The following SMC5 variants were observed in gnomAD, a reference collection of about 807,000 sequenced individuals.
The protein encoded by SMC5 is structural maintenance of chromosomes protein 5.
Under a neutral mutation model 148.3 loss-of-function variants are expected in SMC5, and 88 were observed. The ratio of observed to expected loss-of-function variants is 0.59; its 90% CI spans 0.50 to 0.71. The LOEUF (loss-of-function observed/expected upper bound fraction) is 0.71, where lower values mean the gene tolerates loss of function less well. Ranked by LOEUF, SMC5 falls within the 30% of genes least tolerant of loss-of-function variation. The pLI is 0.00. For missense variants in SMC5, 1,142 were observed against 1,298.9 expected, an observed-to-expected ratio of 0.88 and a Z score of 1.86; for synonymous variants, 421 against 432.8, an observed-to-expected ratio of 0.97 and a Z score of 0.34.
Position 70,313,466 on chromosome 9 carries a change from T to A in SMC5, c.1579-1276T>A, listed in dbSNP as rs143284001. On this transcript the variant is annotated intron_variant, in intron 11 of 24. Transcript: ENST00000361138. ...TCTTGACTATGGTGGCATTTTATTC[T>A]TATGCTTAGTAGTTGTTTTTTTTGT... Among the ~76,000 whole-genome samples the A allele has an allele frequency of 3.9e-3, 599 of 152,174 alleles. 3 individuals are homozygous for A. The highest frequency in any genetic ancestry group is 0.013 in the African/African-American group (555 of 41,540).
At chr9:70,288,003 C>T (rs2034957034) in intron 8 of SMC5, among the ~76,000 whole-genome samples, 1 of 152,054 alleles carries the variant, frequency 6.6e-6, no homozygotes, top group Admixed American at 6.6e-5. Flanking sequence ...TCTTCCCTTT[C>T]TTTTGTCCTC....
chr9:70,280,676 A>G, intron 5 of SMC5, 83 bp from the exon 6 acceptor site: 4 of 1,320,228 alleles, frequency 3.0e-6, no homozygotes, highest in South Asian at 1.4e-5. Context: ...AAATTTTGCC[A>G]TCGTTTATTT....
At chr9:70,289,062 G>T (rs2034985966) in intron 8 of SMC5, among the ~76,000 whole-genome samples, 1 of 151,990 alleles carries the variant, frequency 6.6e-6, no homozygotes, top group African/African-American at 2.4e-5. Context: ...TTATGAGACG[G>T]AGTCTTGCTC....
At chr9:70,309,032 G>A (rs932387898) in intron 11 of SMC5, among the ~76,000 whole-genome samples, 3 of 152,050 alleles carry the variant, frequency 2.0e-5, no homozygotes, top group African/African-American at 7.2e-5. Flanking sequence ...ATAGCATTAT[G>A]TCTAAAAAAT....
chr9:70,290,541 A>G (rs1306535679), intron 8 of SMC5, among the ~76,000 whole-genome samples: 1 of 152,180 alleles, frequency 6.6e-6, no homozygotes, highest in Admixed American at 6.5e-5. Context: ...ACAACAAAAT[A>G]CATTTATGTT....
intron 17 of SMC5, among the ~76,000 whole-genome samples, chr9:70,335,733 G>T (rs1188557651): frequency 6.6e-6 from 1 of 152,112 alleles, no homozygotes; most frequent in Non-Finnish European, 1.5e-5. Flanking sequence ...CTTTACAGGT[G>T]TGTATATTTG....
intron 5 of SMC5, among the ~76,000 whole-genome samples, chr9:70,279,388 C>T (rs1034640653): frequency 4.6e-5 from 7 of 152,120 alleles, no homozygotes; most frequent in South Asian, 2.1e-4. Context: ...GGCATGGTGG[C>T]GCACACCTGT....
chr9:70,323,603 A>G lies in SMC5; in HGVS notation c.2271A>G (p.Ile757Met), dbSNP rs1223266707. 6.2e-7 allele frequency: 1 copy of G among 1,611,018 alleles called. No homozygotes were observed. The change falls in exon 16 of 25, where the codon ATA (isoleucine) becomes ATG (methionine). Residue 757 changes from isoleucine to methionine, a missense_variant. This residue lies in a region of SMC5 where 743 missense variants were observed against 835.7 expected (regional missense o/e 0.89). Transcript: ENST00000361138. ...AKLVTELTNL[I>M]KICTSLHIQK... The stretch of plus-strand genomic sequence containing the variant: ...TTGTTACCGAATTAACAAACCTAAT[A>G]AAGGTAAGGTATTGTTTTAATTTTA...
intron 8 of SMC5, among the ~76,000 whole-genome samples, chr9:70,291,515 A>G (rs1025553082): frequency 6.6e-6 from 1 of 152,210 alleles, no homozygotes; most frequent in East Asian, 1.9e-4. Flanking sequence ...GCTAATGCAC[A>G]TGACCTTCTA....
chr9:70,266,902 C>T (rs1038346836), intron 2 of SMC5, among the ~76,000 whole-genome samples: 1 of 152,086 alleles, frequency 6.6e-6, no homozygotes. Flanking sequence ...TGTGAGGAAA[C>T]AGAGAGGTTA....
At chr9:70,295,827 C>T (rs1480515488) in intron 8 of SMC5, among the ~76,000 whole-genome samples, 1 of 152,074 alleles carries the variant, frequency 6.6e-6, no homozygotes, top group African/African-American at 2.4e-5. Flanking sequence ...GGATTGCAGA[C>T]GTTCTGTTTG....
intron 17 of SMC5, among the ~76,000 whole-genome samples, chr9:70,328,417 G>T (rs181602974): frequency 2.0e-5 from 3 of 152,322 alleles, no homozygotes; most frequent in Admixed American, 2.0e-4. Context: ...GGAGAAATCA[G>T]CCAAAACGAA....
At chr9:70,267,099 T>G (rs1228261262) in intron 2 of SMC5, among the ~76,000 whole-genome samples, 2 of 151,892 alleles carry the variant, frequency 1.3e-5, no homozygotes, top group Non-Finnish European at 2.9e-5. Flanking sequence ...GAATGTATAC[T>G]TCAAGGTTGC....
intron 10 of SMC5, among the ~76,000 whole-genome samples, chr9:70,301,487 C>A (rs542403687): frequency 6.6e-6 from 1 of 152,200 alleles, no homozygotes; most frequent in Non-Finnish European, 1.5e-5. Flanking sequence ...CTTTCTAGGT[C>A]TAGTTGAAAT....
At chr9:70,346,479 A>C in intron 18 of SMC5, 126 bp from the exon 19 acceptor site, 1 of 943,670 alleles carries the variant, frequency 1.1e-6, no homozygotes, top group Non-Finnish European at 1.7e-6. Context: ...CTGTGGTGAA[A>C]TTCAACTGTC....
At chr9:70,278,757 C>T in intron 5 of SMC5, 132 bp downstream of exon 5, 1 of 781,890 alleles carries the variant, frequency 1.3e-6, no homozygotes, top group East Asian at 3.0e-5. Flanking sequence ...TAGGATTGTA[C>T]TGCTAATATC....
intron 11 of SMC5, among the ~76,000 whole-genome samples, chr9:70,312,277 A>G (rs972695186): frequency 2.6e-5 from 4 of 152,184 alleles, no homozygotes; most frequent in South Asian, 4.1e-4. Context: ...CACATCTTAC[A>G]TGGCAGCAGG....
chr9:70,264,401 C>G lies in SMC5; in HGVS notation c.283C>G (p.Leu95Val), dbSNP rs563696904. ...GTCGAGCATTGTGTGTGCCATTTGC[C>G]TTGGTTTAGCTGGAAAACCTGCTTT... ...GKSSIVCAICLGLAGKPAFMG... is the reference protein window; with the variant it reads ...GKSSIVCAICVGLAGKPAFMG... The change falls in exon 2 of 25, where the codon CTT becomes GTT. Residue 95 changes from leucine (L) to valine (V), a missense_variant. Physicochemically the swap from Leu to Val is conservative, Grantham distance 32. Around this residue, in one of 5 missense-constraint regions of SMC5, gnomAD observed 297 missense variants for 302.6 expected, o/e 0.98. Coordinates refer to ENST00000361138, the MANE Select transcript of SMC5 (RefSeq NM_015110.4). 6.2e-7 allele frequency: 1 copy of G among 1,613,966 alleles called. No homozygotes were observed. Among genetic ancestry groups the G allele is most frequent in the African/African-American group, 1.3e-5 (1 of 75,030 alleles).
At chr9:70,304,778 C>T (rs894625354) in intron 10 of SMC5, among the ~76,000 whole-genome samples, 2 of 150,006 alleles carry the variant, frequency 1.3e-5, no homozygotes, top group African/African-American at 4.9e-5. Flanking sequence ...GTAATAGTTA[C>T]AAATAAGCCA....
Sources: allele counts gnomAD v4.1 joint callset (sites outside exome capture counted in the v4.1 genomes callset), GRCh38; gene constraint gnomAD v4.1.1; regional missense constraint gnomAD v4.1.1; transcripts MANE v1.5; gene names NCBI Gene and HGNC (gene_info 2026-07-23, HGNC 2026-07-21).